The following DOCK2 variants were observed in gnomAD, a reference collection of about 807,000 sequenced individuals.
DOCK2 encodes the protein dedicator of cytokinesis 2.
In DOCK2, 87 loss-of-function variants were observed where a neutral mutation model predicts 248.9. The ratio of observed to expected loss-of-function variants is 0.35; its 90% confidence interval spans 0.29 to 0.42. DOCK2 has a LOEUF of 0.42. DOCK2 is among the 10% of genes least tolerant of loss of function. DOCK2 has a pLI of 1.00. For synonymous variants in DOCK2, 805 were observed against 821.6 expected, an observed-to-expected ratio of 0.98 and a Z score of 0.35; for missense variants, 1,747 against 2,300.2, an observed-to-expected ratio of 0.76 and a Z score of 4.92.
At chr5:169,932,916 C>T (rs1775824265) in intron 27 of DOCK2, among the ~76,000 whole-genome samples, 1 of 152,138 alleles carries the variant, frequency 6.6e-6, no homozygotes, top group South Asian at 2.1e-4. Flanking sequence ...CATCCTCAAA[C>T]TGTAGCAGTT....
intron 30 of DOCK2, among the ~76,000 whole-genome samples, chr5:169,997,604 A>C (rs1306371220): frequency 1.4e-5 from 2 of 146,808 alleles, no homozygotes; most frequent in East Asian, 4.0e-4. Flanking sequence ...ACTCTTAAGG[A>C]GCATGCTGCC....
Position 169,823,422 on chromosome 5 carries a change from G to A in DOCK2, c.2704-17335G>A, listed in dbSNP as rs529147144. Among the ~76,000 whole-genome samples the A allele has an allele frequency of 1.3e-3, 202 of 152,076 alleles. 1 individual carries two copies. Among genetic ancestry groups the A allele is most frequent in the Admixed American group, 3.1e-3 (48 of 15,262 alleles). ...CAGCACATCAAAAAGCTTATCCACCGTGATCAAGTGGGCTTCATCCCTGGG... is the reference window on the plus strand; with the variant it reads ...CAGCACATCAAAAAGCTTATCCACCATGATCAAGTGGGCTTCATCCCTGGG... On this transcript the variant is annotated intron_variant, in intron 26 of 51. Coordinates refer to ENST00000520908, the MANE Select transcript of DOCK2 (RefSeq NM_004946.3).
chr5:170,068,647 G>T (rs1377626946), intron 45 of DOCK2, among the ~76,000 whole-genome samples: 4 of 152,200 alleles, frequency 2.6e-5, no homozygotes, highest in Non-Finnish European at 5.9e-5. Flanking sequence ...GAAAGGGGCT[G>T]CCAGGGTCAC....
At chr5:169,994,644 G>A (rs1169679855) in intron 29 of DOCK2, among the ~76,000 whole-genome samples, 1 of 152,186 alleles carries the variant, frequency 6.6e-6, no homozygotes, top group African/African-American at 2.4e-5. Flanking sequence ...TTTCAGAGAT[G>A]AGAAGGCAAG....
At chr5:169,866,482 G>A (rs72842505) in intron 27 of DOCK2, among the ~76,000 whole-genome samples, 14,263 of 152,216 alleles carry the variant, frequency 0.094, 827 homozygotes, top group Admixed American at 0.17. Context: ...TATACAACAC[G>A]CAGCATAGAG....
intron 28 of DOCK2, among the ~76,000 whole-genome samples, chr5:169,983,908 G>A (rs1052821263): frequency 5.3e-5 from 8 of 152,262 alleles, no homozygotes; most frequent in Admixed American, 3.9e-4. Flanking sequence ...GTAGTGAGAT[G>A]TTCTCTCCCT....
At chr5:169,777,270 C>T (rs1765437207) in intron 25 of DOCK2, among the ~76,000 whole-genome samples, 1 of 152,142 alleles carries the variant, frequency 6.6e-6, no homozygotes, top group South Asian at 2.1e-4. Flanking sequence ...TAACATGATC[C>T]AATTCGGGAG....
chr5:169,816,995 C>G (rs1391179857), intron 26 of DOCK2, among the ~76,000 whole-genome samples: 1 of 152,162 alleles, frequency 6.6e-6, no homozygotes, highest in Admixed American at 6.5e-5. Flanking sequence ...AGAATTATTT[C>G]CTAAAACCCA....
intron 1 of DOCK2, among the ~76,000 whole-genome samples, chr5:169,639,861 C>T (rs538611526): frequency 5.8e-4 from 89 of 152,160 alleles, no homozygotes; most frequent in Admixed American, 9.2e-4. Context: ...TTAGTTTGCT[C>T]AGGCTGCTGT....
chr5:169,817,010 C>T (rs1345154846), intron 26 of DOCK2, among the ~76,000 whole-genome samples: 3 of 152,192 alleles, frequency 2.0e-5, no homozygotes, highest in Non-Finnish European at 4.4e-5. Flanking sequence ...AACCCACAGT[C>T]CCACTCGTTC....
intron 41 of DOCK2, among the ~76,000 whole-genome samples, chr5:170,051,033 T>C (rs980978602): frequency 2.0e-5 from 3 of 152,314 alleles, no homozygotes; most frequent in Non-Finnish European, 4.4e-5. Context: ...AATCTGTGCC[T>C]TGAGGAAGCC....
intron 27 of DOCK2, among the ~76,000 whole-genome samples, chr5:169,877,053 T>C (rs1772374354): frequency 6.6e-6 from 1 of 152,082 alleles, no homozygotes; most frequent in Admixed American, 6.6e-5. Flanking sequence ...TGGGGAAGGA[T>C]TGGATTGTGA....
Position 170,075,933 on chromosome 5 carries a change from C to T in DOCK2, c.4729-14C>T. 6.2e-7 allele frequency: 1 copy of T among 1,613,680 alleles called. No individual in the cohort carries two copies. The highest frequency in any genetic ancestry group is 1.3e-5 in the African/African-American group (1 of 75,038). Reference sequence around the variant, plus strand: ...GGTCAGCCTCTGGCTCATTCTTTACCACTTTCTCTCCAGATCCCCTTCTTG... The same window carrying T: ...GGTCAGCCTCTGGCTCATTCTTTACTACTTTCTCTCCAGATCCCCTTCTTG... On this transcript the variant is annotated splice_polypyrimidine_tract_variant and intron_variant, in intron 46 of 51. Transcript: ENST00000520908.
chr5:169,645,060 T>C (rs1757377905), intron 1 of DOCK2, among the ~76,000 whole-genome samples: 1 of 152,230 alleles, frequency 6.6e-6, no homozygotes, highest in Non-Finnish European at 1.5e-5. Context: ...GCATTTGGGT[T>C]GGTTCCAAGT....
chr5:170,055,469 C>T, intron 42 of DOCK2, 83 bp downstream of exon 42: 1 of 1,276,564 alleles, frequency 7.8e-7, no homozygotes, highest in Non-Finnish European at 1.1e-6. Context: ...CAGAACAGAC[C>T]CCAGTGTCTT....
chr5:169,761,124 T>C (rs1253721566), intron 24 of DOCK2, among the ~76,000 whole-genome samples: 1 of 152,238 alleles, frequency 6.6e-6, no homozygotes, highest in Non-Finnish European at 1.5e-5. Flanking sequence ...TGAACTCTTG[T>C]TTCTTTAACT....
chr5:170,010,475 T>A (rs1206980977), intron 32 of DOCK2, among the ~76,000 whole-genome samples: 1 of 151,862 alleles, frequency 6.6e-6, no homozygotes, highest in Non-Finnish European at 1.5e-5. Context: ...TGAGAAGGAG[T>A]AAGGGCCTGC....
intron 25 of DOCK2, among the ~76,000 whole-genome samples, chr5:169,765,404 A>G (rs1356823720): frequency 1.3e-5 from 2 of 152,186 alleles, no homozygotes; most frequent in Non-Finnish European, 2.9e-5. Context: ...ACTTACAAAC[A>G]CTAATTTGCT....
At chr5:170,033,935 T>C (rs1756232804) in intron 34 of DOCK2, among the ~76,000 whole-genome samples, 3 of 152,234 alleles carry the variant, frequency 2.0e-5, no homozygotes, top group South Asian at 2.1e-4. Flanking sequence ...CCTTTCCCAA[T>C]TGATGAGCAT....
Sources: gnomAD v4.1 joint callset for allele counts (sites outside exome capture counted in the v4.1 genomes callset) on GRCh38, gnomAD v4.1.1 for gene constraint, MANE v1.5 for transcripts, NCBI Gene and HGNC (gene_info 2026-07-23, HGNC 2026-07-21) for gene names.